Variants in ARSG observed in about 807,000 individuals in gnomAD.
The protein encoded by ARSG is arylsulfatase G.
Under a neutral mutation model 50.5 loss-of-function variants are expected in ARSG, and 37 were observed. The observed-to-expected ratio is 0.73, with a 90% CI of 0.56 to 0.96. The LOEUF (loss-of-function observed/expected upper bound fraction) is 0.96. ARSG is among the 50% of genes least tolerant of loss of function. The probability of loss-of-function intolerance (pLI) is 0.00; values close to 1 mark genes in which losing one functional copy is unlikely to be tolerated. For missense variants in ARSG, 629 were observed against 675.3 expected (o/e 0.93, Z 0.76); for synonymous variants, 225 against 254.6 (o/e 0.88, Z 1.11).
the ARSG span, among the ~76,000 whole-genome samples, chr17:68,443,601 G>C: frequency 6.6e-6 from 1 of 152,150 alleles, no homozygotes; most frequent in African/African-American, 2.4e-5. Flanking sequence ...CTGGGAGATG[G>C]GTATTATTCA....
In ARSG at chr17:68,379,984, T is replaced by C. The variant is rs1568550169; in HGVS notation, c.983-5080T>C. ...ACCTTTGAGCGACACGGATTTGAACTGCATGGGTCCACGTAATACATGAAT... is the reference window on the plus strand; with the variant it reads ...ACCTTTGAGCGACACGGATTTGAACCGCATGGGTCCACGTAATACATGAAT... On this transcript the variant is annotated intron_variant, in intron 8 of 11. Coordinates refer to ENST00000621439, the MANE Select transcript of ARSG (RefSeq NM_001267727.2). 5.1e-6 allele frequency: 3 copies of C among 589,384 alleles called. No homozygotes were observed. In the African/African-American group the frequency reaches 6.1e-5, roughly 12 times the overall value. 36.5% of individuals were successfully genotyped at this position (589,384 alleles called of 1,614,324 possible). A position where few individuals can be genotyped will look rare whatever the true frequency, so the allele number is the denominator to read the frequency against.
At chr17:68,306,446 A>G (rs1555764108) in intron 1 of ARSG, among the ~76,000 whole-genome samples, 1 of 152,180 alleles carries the variant, frequency 6.6e-6, no homozygotes. Flanking sequence ...AATCCCAGCT[A>G]TGTGGGAGGT....
chr17:68,401,921 G>A (rs147294216), intron 11 of ARSG, among the ~76,000 whole-genome samples: 6 of 152,298 alleles, frequency 3.9e-5, no homozygotes, highest in African/African-American at 1.4e-4. Flanking sequence ...CTTTAGAAAT[G>A]TCATACTGTA....
chr17:68,285,856 G>A (rs1484385465), intron 1 of ARSG, among the ~76,000 whole-genome samples: 1 of 151,900 alleles, frequency 6.6e-6, no homozygotes, highest in Non-Finnish European at 1.5e-5. Flanking sequence ...CATCCCCCAG[G>A]TTCAAGCAAT....
chr17:68,425,538 T>C (rs939133286), downstream of ARSG, among the ~76,000 whole-genome samples: 1 of 151,710 alleles, frequency 6.6e-6, no homozygotes, highest in African/African-American at 2.4e-5. Context: ...TCTTAATGAG[T>C]GTCTGCAACT....
In ARSG at chr17:68,374,962, G is replaced by A. The variant is rs537942927; in HGVS notation, c.982+4438G>A. Among the ~76,000 whole-genome samples the A allele has an allele frequency of 3.3e-5, 5 of 152,236 alleles. No individual in the cohort carries two copies. The East Asian group carries it at 9.6e-4, about 29-fold the overall frequency. On this transcript the variant is annotated intron_variant, in intron 8 of 11. Transcript: ENST00000621439. ...TTCCTCCTGTAAGCATTCGTTGAGT[G>A]CCTACTGTTTTCTATTCCTCCTATT...
chr17:68,436,421 C>T, the ARSG span: 1 of 1,613,904 alleles, frequency 6.2e-7, no homozygotes, highest in Non-Finnish European at 8.5e-7. Flanking sequence ...CCCCTGAAGT[C>T]AGGCTTCCAG....
chr17:68,262,564 G>A (rs542783531), intron 1 of ARSG, among the ~76,000 whole-genome samples: 1 of 151,926 alleles, frequency 6.6e-6, no homozygotes, highest in East Asian at 1.9e-4. Flanking sequence ...AGGGCCCATT[G>A]CTAAGGATTT....
At chr17:68,411,373 C>A (rs1568594354) in intron 11 of ARSG, among the ~76,000 whole-genome samples, 2 of 152,172 alleles carry the variant, frequency 1.3e-5, no homozygotes, top group Non-Finnish European at 2.9e-5. Context: ...GCCTTCATTT[C>A]ATTATGTACC....
At chr17:68,351,519 G>C in intron 4 of ARSG, 56 bp from the exon 5 acceptor site, 1 of 921,762 alleles carries the variant, frequency 1.1e-6, no homozygotes, top group Non-Finnish European at 1.8e-6. Context: ...GTGTACAAAG[G>C]CAAGCACATG....
intron 8 of ARSG, 136 bp downstream of exon 8, chr17:68,370,660 C>A: frequency 1.3e-6 from 1 of 751,146 alleles, no homozygotes. Flanking sequence ...GACACATTTG[C>A]TCACCAGCCA....
chr17:68,270,706 C>G lies in ARSG; in HGVS notation c.-552+11280C>G, dbSNP rs1434920758. ...TCAAGAGGGCTGGCTCAGGTAATCT[C>G]TAATCCCTGGCAGCTCTAAAATTCA... On this transcript the variant is annotated intron_variant, in intron 1 of 11. Coordinates refer to the ARSG transcript ENST00000448504. The G allele has an allele frequency of 1.9e-5, 15 of 770,018 alleles. No individual in the cohort carries two copies. The East Asian group carries it at 2.1e-4, about 11-fold the overall frequency. 47.7% of individuals were successfully genotyped at this position (770,018 alleles called of 1,614,324 possible). A position where few individuals can be genotyped will look rare whatever the true frequency, so the allele number is the denominator to read the frequency against.
chr17:68,361,838 C>A (rs2079303218), intron 6 of ARSG, among the ~76,000 whole-genome samples: 1 of 152,102 alleles, frequency 6.6e-6, no homozygotes, highest in Admixed American at 6.6e-5. Flanking sequence ...AATGCTTGAA[C>A]CCAGGAGACG....
At chr17:68,333,848 C>A (rs931150610) in intron 2 of ARSG, among the ~76,000 whole-genome samples, 3 of 152,056 alleles carry the variant, frequency 2.0e-5, no homozygotes, top group African/African-American at 7.2e-5. Flanking sequence ...GTAGCAGTTA[C>A]TAGCTACCAG....
chr17:68,389,121 G>A (rs941287926), intron 9 of ARSG, among the ~76,000 whole-genome samples: 4 of 152,134 alleles, frequency 2.6e-5, no homozygotes, highest in Non-Finnish European at 4.4e-5. Flanking sequence ...GTGTCTTGTG[G>A]TTTAGCTGTC....
intron 1 of ARSG, chr17:68,268,914 C>T: frequency 7.2e-7 from 1 of 1,380,456 alleles, no homozygotes; most frequent in Non-Finnish European, 9.7e-7. Context: ...AAAAAAAAAG[C>T]TTAAAACAAA....
In ARSG at chr17:68,385,162, G is replaced by A; in HGVS notation, c.1081G>A (p.Ala361Thr). 1 of 1,613,794 alleles carries A rather than the reference G, an allele frequency of 6.2e-7. No homozygotes were observed. Among genetic ancestry groups the A allele is most frequent in the Non-Finnish European group, 8.5e-7 (1 of 1,179,784 alleles). Residue 361 changes from alanine to threonine, a missense_variant, in exon 9 of 12, where the codon GCC (alanine) becomes ACC (threonine). Physicochemically the swap from Ala to Thr is moderately conservative, Grantham distance 58 (BLOSUM62 0). Coordinates refer to ENST00000621439, the MANE Select transcript of ARSG (RefSeq NM_001267727.2). ...AGTTCCAGTTAATGTCACCAGCACT[G>A]CCTTGTTAAGGTATGAGACCAAAAC... ...GRVPVNVTST[A>T]LLSVLDIFPT...
intron 2 of ARSG, among the ~76,000 whole-genome samples, chr17:68,330,556 C>T (rs558367423): frequency 6.6e-6 from 1 of 152,240 alleles, no homozygotes; most frequent in South Asian, 2.1e-4. Context: ...ATGAGAGAAA[C>T]CTCAGATGAC....
At chr17:68,421,974 G>T, downstream of ARSG, 1 of 817,188 alleles carries the variant, frequency 1.2e-6, no homozygotes, top group Non-Finnish European at 2.1e-6. Flanking sequence ...CCACAGAATG[G>T]TCACCCAGCT....
Sources: allele counts gnomAD v4.1 joint callset (sites outside exome capture counted in the v4.1 genomes callset), GRCh38; gene constraint gnomAD v4.1.1; transcripts MANE v1.5; gene names NCBI Gene and HGNC (gene_info 2026-07-23, HGNC 2026-07-21).